Variants in AHNAK observed in about 807,000 individuals in gnomAD.
The protein encoded by AHNAK is AHNAK nucleoprotein, also known as neuroblast differentiation-associated protein AHNAK.
A neutral mutation model predicts 37.8 loss-of-function variants in AHNAK; 23 were observed. The ratio of observed to expected loss-of-function variants is 0.61; its 90% CI spans 0.44 to 0.86. The LOEUF is 0.86. AHNAK is among the 40% of genes least tolerant of loss of function. The pLI is 0.00. For synonymous variants in AHNAK, 2,481 were observed against 2,636.3 expected (o/e 0.94, Z 1.80); for missense variants, 7,411 against 7,319.4 (o/e 1.01, Z -0.46).
chr11:62,464,899 A>G (rs962880803), intron 5 of AHNAK, among the ~76,000 whole-genome samples: 2 of 152,156 alleles, frequency 1.3e-5, no homozygotes, highest in African/African-American at 4.8e-5. Flanking sequence ...GTTGCAGAAC[A>G]CCTGGTCTCA....
chr11:62,525,139 A>G lies in AHNAK; in HGVS notation c.9278T>C (p.Met3093Thr). 30 of 1,614,068 alleles carry G rather than the reference A, an allele frequency of 1.9e-5. No individual in the cohort carries two copies. Among genetic ancestry groups the G allele is most frequent in the Non-Finnish European group, 2.5e-5 (30 of 1,180,018 alleles). The change falls in exon 5 of 5, where the codon ATG becomes ACG. Residue 3093 changes from methionine (M) to threonine (T), a missense_variant. Met to Thr is a moderately conservative substitution (Grantham distance 81). Transcript: ENST00000378024. Reference sequence around the variant, plus strand: ...TTTCAGGTTAAGATCAATGTCAGGCATGGAGATCTTGGGGGCTTTGATGTT... The same window carrying G: ...TTTCAGGTTAAGATCAATGTCAGGCGTGGAGATCTTGGGGGCTTTGATGTT... ...EMNIKAPKISMPDIDLNLKGP... is the reference protein window; with the variant it reads ...EMNIKAPKISTPDIDLNLKGP...
chr11:62,441,050 G>C (rs1378240625), intron 5 of AHNAK, among the ~76,000 whole-genome samples: 1 of 151,938 alleles, frequency 6.6e-6, no homozygotes, highest in Non-Finnish European at 1.5e-5. Context: ...GCCCAGGCTG[G>C]AGTGCAGTGG....
chr11:62,525,813 T>C lies in AHNAK; in HGVS notation c.8604A>G (p.Glu2868=), dbSNP rs1940460915. ...PKVEGDLKGP[E]VDLKGPKVDI... ...CCACTTTGGGGCCTTTGAGGTCAACTTCAGGACCTTTCAGATCTCCCTCTA... is the reference window on the plus strand; with the variant it reads ...CCACTTTGGGGCCTTTGAGGTCAACCTCAGGACCTTTCAGATCTCCCTCTA... Residue 2868 remains glutamate, a synonymous_variant, in exon 5 of 5, where the codon GAA becomes GAG. Coordinates refer to ENST00000378024, the MANE Select transcript of AHNAK (RefSeq NM_001620.3). 3 of 1,614,024 alleles carry C rather than the reference T, an allele frequency of 1.9e-6. No individual in the cohort carries two copies. The highest frequency in any genetic ancestry group is 3.3e-5 in the Admixed American group (2 of 59,998).
In AHNAK at chr11:62,508,258, GA is replaced by G. The variant is rs999550661; in HGVS notation, c.343-16428del. Reference sequence around the variant, plus strand: ...GAAACGGCAGTGACATCACAGGGAAGAAAAAAAAAATTCTTTTTTTAATCAG... The same window carrying G: ...GAAACGGCAGTGACATCACAGGGAAGAAAAAAAAATTCTTTTTTTAATCAG... On this transcript the variant is annotated intron_variant, in intron 4 of 5. Coordinates refer to the AHNAK transcript ENST00000257247. 3.8e-4 allele frequency among the ~76,000 whole-genome samples: 57 copies of G among 150,906 alleles called. 1 individual carries two copies. The highest frequency in any genetic ancestry group is 7.8e-4 in the African/African-American group (32 of 41,182).
At chr11:62,496,220 T>C (rs1939606933) in intron 4 of AHNAK, among the ~76,000 whole-genome samples, 1 of 152,098 alleles carries the variant, frequency 6.6e-6, no homozygotes, top group African/African-American at 2.4e-5. Context: ...CTGATACAAA[T>C]ACAAAATTAA....
intron 1 of AHNAK, among the ~76,000 whole-genome samples, chr11:62,539,436 G>A (rs112452048): frequency 1.1e-4 from 16 of 151,674 alleles, no homozygotes. Flanking sequence ...CCCACACCTC[G>A]GCCCCACCCT....
chr11:62,494,860 C>CTCTACTAAAATACAAAAATTAGGT, intron 4 of AHNAK, among the ~76,000 whole-genome samples: 2 of 151,898 alleles, frequency 1.3e-5, no homozygotes, highest in Non-Finnish European at 2.9e-5. Flanking sequence ...ATTAGCATGG[C>CTCTACTAAAATACAAAAATTAGGT]GTGATGGCGG....
Position 62,517,938 on chromosome 11 carries a change from C to G in AHNAK, c.16479G>C (p.Gln5493His). 6.2e-7 allele frequency: 1 copy of G among 1,614,230 alleles called. No homozygotes were observed. The highest frequency in any genetic ancestry group is 8.5e-7 in the Non-Finnish European group (1 of 1,180,044). Residue 5493 changes from glutamine (Q) to histidine (H), a missense_variant, in exon 5 of 5, where the codon CAG becomes CAC. Transcript: ENST00000378024. ...ATCCAGAGGACTTAATTCCAGGCATCTGGAGGTTTCCTTCTAGGCCTTGAA... is the reference window on the plus strand; with the variant it reads ...ATCCAGAGGACTTAATTCCAGGCATGTGGAGGTTTCCTTCTAGGCCTTGAA... ...IGVQGLEGNL[Q>H]MPGIKSSGCD...
chr11:62,523,499 C>T lies in AHNAK; in HGVS notation c.10918G>A (p.Val3640Ile), dbSNP rs747814282. Residue 3640 changes from valine (V) to isoleucine (I), a missense_variant, in exon 5 of 5, where the codon GTT becomes ATT. Physicochemically the swap from Val to Ile is conservative, Grantham distance 29. Transcript: ENST00000378024. ...TCAATATTCACGTCTGGAACATCAA[C>T]GTCTACATTGGGACCAGAAATGTCA... ...DIDISGPNVD[V>I]DVPDVNIEGP... 13 of 1,613,712 alleles carry T rather than the reference C, an allele frequency of 8.1e-6. No homozygotes were observed. The highest frequency in any genetic ancestry group is 1.0e-5 in the Non-Finnish European group (12 of 1,179,954).
chr11:62,434,291 C>G lies in AHNAK; in HGVS notation c.443-400G>C, dbSNP rs1429020511. Among the ~76,000 whole-genome samples the G allele has an allele frequency of 3.3e-5, 5 of 152,326 alleles. No individual in the cohort carries two copies. In the South Asian group the frequency reaches 8.3e-4, roughly 25 times the overall value. ...GCCTCAGCCATTAAGAAATCCCTTT[C>G]ATTATCATCTCCAAACTGACTTTCT... On this transcript the variant is annotated intron_variant, in intron 5 of 5. Transcript: ENST00000257247.
intron 5 of AHNAK, among the ~76,000 whole-genome samples, chr11:62,471,107 AT>A (rs1939027017): frequency 6.6e-6 from 1 of 152,236 alleles, no homozygotes; most frequent in Admixed American, 6.5e-5. Flanking sequence ...ATGATGGCCC[AT>A]GGGGAGGTGG....
Position 62,534,149 on chromosome 11 carries a change from C to T in AHNAK, c.343-75G>A, listed in dbSNP as rs563546058. 35 of 1,439,550 alleles carry T rather than the reference C, an allele frequency of 2.4e-5. No individual in the cohort carries two copies. The South Asian group carries it at 2.7e-4, about 11-fold the overall frequency. 89.2% of individuals were successfully genotyped at this position (1,439,550 alleles called of 1,614,324 possible). ...AGCAGATGCCCGGCCACAGCCCAGC[C>T]GACAACACGTTGCCTGTTTCCCAGA... On this transcript the variant is annotated intron_variant, in intron 4 of 4. Transcript: ENST00000378024.
At chr11:62,465,232 C>T (rs1298504) in intron 5 of AHNAK, among the ~76,000 whole-genome samples, 2 of 152,020 alleles carry the variant, frequency 1.3e-5, no homozygotes, top group Non-Finnish European at 2.9e-5. Flanking sequence ...TTCTGTCCCC[C>T]CCTCGAAAGA....
At position 62,529,956 on chromosome 11, in the gene AHNAK, G is replaced by C; in HGVS notation, c.4461C>G (p.Ile1487Met). ...EGEIKAPDVD[I>M]KGPKVDINAP... ...CATTAATATCAACTTTGGGGCCTTT[G>C]ATGTCAACATCAGGAGCTTTTATCT... Residue 1487 changes from isoleucine (I) to methionine (M), a missense_variant, in exon 5 of 5, where the codon ATC (isoleucine) becomes ATG (methionine). Coordinates refer to ENST00000378024, the MANE Select transcript of AHNAK (RefSeq NM_001620.3). The C allele has an allele frequency of 6.2e-7, 1 of 1,611,802 alleles. No individual in the cohort carries two copies.
intron 1 of AHNAK, among the ~76,000 whole-genome samples, chr11:62,544,497 A>G (rs1941243198): frequency 6.6e-6 from 1 of 151,874 alleles, no homozygotes; most frequent in African/African-American, 2.4e-5. Flanking sequence ...ACACCCTCTA[A>G]CCCACATTCC....
intron 5 of AHNAK, among the ~76,000 whole-genome samples, chr11:62,474,520 T>C (rs1452539280): frequency 6.6e-6 from 1 of 152,196 alleles, no homozygotes; most frequent in Non-Finnish European, 1.5e-5. Flanking sequence ...CCAGTGATTC[T>C]TATGCACCTT....
intron 5 of AHNAK, among the ~76,000 whole-genome samples, chr11:62,437,482 G>A (rs1938199748): frequency 6.6e-6 from 1 of 151,020 alleles, no homozygotes; most frequent in African/African-American, 2.4e-5. Flanking sequence ...AGCCTCCTGA[G>A]TACCTAGGAT....
chr11:62,450,937 G>T (rs1938524280), intron 5 of AHNAK, among the ~76,000 whole-genome samples: 1 of 152,242 alleles, frequency 6.6e-6, no homozygotes, highest in Non-Finnish European at 1.5e-5. Flanking sequence ...TGGACGTGGT[G>T]GCTCACGCCT....
At chr11:62,540,795 C>T (rs966198861) in intron 1 of AHNAK, among the ~76,000 whole-genome samples, 1 of 152,180 alleles carries the variant, frequency 6.6e-6, no homozygotes. Context: ...GTATGCCTGA[C>T]GCTGCGGGAC....
Sources: gnomAD v4.1 joint callset for allele counts (sites outside exome capture counted in the v4.1 genomes callset) on GRCh38, gnomAD v4.1.1 for gene constraint, MANE v1.5 for transcripts, NCBI Gene and HGNC (gene_info 2026-07-23, HGNC 2026-07-21) for gene names.